The following CDK11B variants were observed in gnomAD, a reference collection of about 807,000 sequenced individuals.
CDK11B encodes cyclin-dependent kinase 11B.
In CDK11B, 37 loss-of-function variants were observed where a neutral mutation model predicts 84.0. The observed-to-expected ratio is 0.44, with a 90% CI of 0.34 to 0.58. The LOEUF (loss-of-function observed/expected upper bound fraction) is 0.58. Ranked by LOEUF, CDK11B falls within the 20% of genes least tolerant of loss-of-function variation. The probability of loss-of-function intolerance (pLI) is 0.02; values close to 1 mark genes in which losing one functional copy is unlikely to be tolerated. For synonymous variants in CDK11B, 269 were observed against 309.8 expected (o/e 0.87, Z 1.38); for missense variants, 427 against 834.0 (o/e 0.51, Z 6.01).
rs375402811 is a variant in CDK11B at position 1,636,759 on chromosome 1, T to A, written c.1840A>T (p.Ile614Phe). The A allele has an allele frequency of 6.2e-7, 1 of 1,613,906 alleles. No homozygotes were observed. The highest frequency in any genetic ancestry group is 8.5e-7 in the Non-Finnish European group (1 of 1,179,858). Residue 614 changes from isoleucine to phenylalanine, a missense_variant, in exon 17 of 20, where the codon ATC (isoleucine) becomes TTC (phenylalanine). By Grantham distance (21) the Ile-to-Phe change is conservative. Around this residue, in one of 12 missense-constraint regions of CDK11B, gnomAD observed 170 missense variants for 196.0 expected, o/e 0.87. Transcript: ENST00000341832. ...TTCTGAGTCAGCAGCTCCCCGAAGA[T>A]GCAACCCACTGACCACATGTCCACG... The part of the protein sequence containing the change: ...TAVDMWSVGC[I>F]FGELLTQKPL...
At chr1:1,638,773 G>C (rs1397649764) in intron 11 of CDK11B, among the ~76,000 whole-genome samples, 183 bp from the exon 12 acceptor site, 1 of 152,230 alleles carries the variant, frequency 6.6e-6, no homozygotes, top group African/African-American at 2.4e-5. Context: ...AAAACCATCT[G>C]ACACTTTATT....
intron 11 of CDK11B, among the ~76,000 whole-genome samples, chr1:1,639,453 C>G (rs1205669385): frequency 2.0e-5 from 3 of 151,804 alleles, no homozygotes; most frequent in Non-Finnish European, 4.4e-5. Flanking sequence ...CTTTGTCAAA[C>G]TGGATGTGTC....
Position 1,650,467 on chromosome 1 carries a change from A to G in CDK11B, c.356-830T>C, listed in dbSNP as rs1406549541. Among the ~76,000 whole-genome samples the G allele has an allele frequency of 3.4e-3, 489 of 145,904 alleles. 4 individuals are homozygous for G. The highest frequency in any genetic ancestry group is 0.012 in the African/African-American group (455 of 39,360). On this transcript the variant is annotated intron_variant, in intron 4 of 19. Coordinates refer to ENST00000341832, the MANE Select transcript of CDK11B (RefSeq NM_033486.3). ...TGCAAGCTCCGCCTCCCGTGTTCAC[A>G]CCATTCTCCTGCCTCAGCCTCCCGA...
At chr1:1,652,272 G>A (rs1642119191) in intron 4 of CDK11B, among the ~76,000 whole-genome samples, 167 bp downstream of exon 4, 1 of 151,954 alleles carries the variant, frequency 6.6e-6, no homozygotes, top group African/African-American at 2.4e-5. Flanking sequence ...CTTTTAGCTA[G>A]AGTATTCTCT....
intron 5 of CDK11B, among the ~76,000 whole-genome samples, chr1:1,647,356 G>A (rs1338197085): frequency 4.6e-5 from 7 of 152,346 alleles, no homozygotes; most frequent in East Asian, 3.8e-4. Context: ...TTTCCCTTTC[G>A]TTGTTACCAC....
intron 11 of CDK11B, among the ~76,000 whole-genome samples, chr1:1,639,187 C>T (rs911525098): frequency 2.0e-5 from 3 of 151,698 alleles, no homozygotes; most frequent in African/African-American, 4.8e-5. Context: ...ATCCGCCCAC[C>T]GCCTCGGCCT....
At chr1:1,646,528 C>T (rs1157277724) in intron 5 of CDK11B, 19 of 519,386 alleles carry the variant, frequency 3.7e-5, no homozygotes, top group African/African-American at 1.5e-4. Context: ...TTTATACAAT[C>T]GTAGTTCCAG....
At chr1:1,639,815 T>C (rs1472594307) in intron 11 of CDK11B, among the ~76,000 whole-genome samples, 26 of 152,080 alleles carry the variant, frequency 1.7e-4, no homozygotes, top group African/African-American at 6.3e-4. Context: ...ATATCCTGCC[T>C]TATTGATAGC....
At chr1:1,641,204 G>C in intron 9 of CDK11B, 91 bp from the exon 10 acceptor site, 1 of 1,561,874 alleles carries the variant, frequency 6.4e-7, no homozygotes, top group Non-Finnish European at 8.7e-7. Flanking sequence ...TAAGCAACAA[G>C]TGTTCCCAAG....
At chr1:1,655,543 A>T (rs1283512115) in intron 2 of CDK11B, 59 bp from the exon 3 acceptor site, 2 of 1,497,122 alleles carry the variant, frequency 1.3e-6, no homozygotes, top group East Asian at 4.9e-5. Flanking sequence ...CTTCATAGAT[A>T]AAAGTATTTT....
At chr1:1,650,251 CA>C (rs1336506159) in intron 4 of CDK11B, among the ~76,000 whole-genome samples, 1 of 68,814 alleles carries the variant, frequency 1.5e-5, no homozygotes, top group Non-Finnish European at 2.9e-5. Flanking sequence ...GCCTGGGTGA[CA>C]AGCAAGACTC....
At position 1,655,234 on chromosome 1, in the gene CDK11B, T is replaced by C. The variant is rs570861643; in HGVS notation, c.227+135A>G. On this transcript the variant is annotated intron_variant, in intron 3 of 19. Coordinates refer to ENST00000341832, the MANE Select transcript of CDK11B (RefSeq NM_033486.3). ...GACATAAAAACCTCAATAGTTACGC[T>C]ATGTCACAGTAACTCTAGGAAAGAG... 3.3e-5 allele frequency: 37 copies of C among 1,134,542 alleles called. No individual in the cohort carries two copies. In the East Asian group the frequency reaches 8.5e-4, roughly 26 times the overall value. The allele number at this position is 1,134,542 out of a possible 1,614,324, so 70.3% of individuals were successfully genotyped here.
At chr1:1,654,319 C>T (rs746193534) in intron 3 of CDK11B, among the ~76,000 whole-genome samples, 2 of 152,192 alleles carry the variant, frequency 1.3e-5, no homozygotes, top group Non-Finnish European at 2.9e-5. Context: ...TTACCCCAGT[C>T]TCATCCATTT....
At position 1,655,363 on chromosome 1, in the gene CDK11B, G is replaced by C. The variant is rs773980595; in HGVS notation, c.227+6C>G. The C allele has an allele frequency of 5.0e-6, 8 of 1,612,806 alleles. No homozygotes were observed. The highest frequency in any genetic ancestry group is 5.9e-6 in the Non-Finnish European group (7 of 1,179,220). ...CTGGGTCTTGCACATCTGTACATCC[G>C]CTCACCTGTCTTCCATAGAGTCTTC... On this transcript the variant is annotated splice_donor_region_variant and intron_variant, in intron 3 of 19. Transcript: ENST00000341832.
chr1:1,650,895 T>C (rs1641922291), intron 4 of CDK11B, among the ~76,000 whole-genome samples: 4 of 152,128 alleles, frequency 2.6e-5, no homozygotes. Flanking sequence ...AAAACAATTC[T>C]GCTATCACAG....
intron 11 of CDK11B, among the ~76,000 whole-genome samples, chr1:1,639,776 G>C (rs1639980351): frequency 6.6e-6 from 1 of 152,064 alleles, no homozygotes; most frequent in Admixed American, 6.6e-5. Flanking sequence ...CACCTTCTCA[G>C]GCTTGTCCCT....
At position 1,657,355 on chromosome 1, in the gene CDK11B, A is replaced by C. The variant is rs376797947; in HGVS notation, c.111+20T>G. ...TAAATCTCCTTTAAGAAAACCACTT[A>C]CTTAAAAAATATGGCTTACATTTTT... On this transcript the variant is annotated intron_variant, in intron 2 of 19. Coordinates refer to ENST00000341832, the MANE Select transcript of CDK11B (RefSeq NM_033486.3). The C allele has an allele frequency of 4.8e-5, 78 of 1,613,524 alleles. No homozygotes were observed. Among genetic ancestry groups the C allele is most frequent in the Non-Finnish European group, 6.4e-5 (76 of 1,179,776 alleles).
At chr1:1,646,591 A>C in intron 5 of CDK11B, 1 of 512,640 alleles carries the variant, frequency 2.0e-6, no homozygotes, top group South Asian at 1.4e-5. Flanking sequence ...GTCAACCTAC[A>C]CTTGCTATCT....
At position 1,636,665 on chromosome 1, in the gene CDK11B, A is replaced by G. The variant is rs185573376; in HGVS notation, c.1917+17T>C. ...CTCCACAACCCCACAGCGCACCTGC[A>G]GCAGGGCCAGACCCACCTTGAACAC... On this transcript the variant is annotated intron_variant, in intron 17 of 19. Coordinates refer to ENST00000341832, the MANE Select transcript of CDK11B (RefSeq NM_033486.3). The G allele has an allele frequency of 1.8e-3, 2,953 of 1,613,344 alleles. 22 individuals carry two copies. Among genetic ancestry groups the G allele is most frequent in the South Asian group, 9.6e-3 (878 of 91,070 alleles).
Sources: gnomAD v4.1 joint callset for allele counts (sites outside exome capture counted in the v4.1 genomes callset) on GRCh38, gnomAD v4.1.1 for gene constraint, gnomAD v4.1.1 regional missense constraint, MANE v1.5 for transcripts, NCBI Gene and HGNC (gene_info 2026-07-23, HGNC 2026-07-21) for gene names.